DCTN2: variants seen among roughly 807,000 people sequenced by gnomAD.
The protein encoded by DCTN2 is 50 kDa dynein-associated polypeptide.
DCTN2 carries 18 observed loss-of-function variants against 55.4 expected under a neutral mutation model. The observed-to-expected ratio is 0.32, with a 90% CI of 0.22 to 0.48. The LOEUF is 0.48. DCTN2 is among the 20% of genes least tolerant of loss of function. The pLI is 0.99. For missense variants in DCTN2, 390 were observed against 491.0 expected (o/e 0.79, Z 1.94); for synonymous variants, 168 against 185.2 (o/e 0.91, Z 0.76).
At chr12:57,534,699 G>A (rs560282095) in intron 5 of DCTN2, among the ~76,000 whole-genome samples, 2 of 152,142 alleles carry the variant, frequency 1.3e-5, no homozygotes, top group South Asian at 2.1e-4. Flanking sequence ...ATGGAGTCTC[G>A]CTCTGTCACC....
In DCTN2 at chr12:57,547,088, AC is replaced by A; in HGVS notation, c.-26del. 1 of 1,242,678 alleles carries A rather than the reference AC, an allele frequency of 8.0e-7. No individual in the cohort carries two copies. Among genetic ancestry groups the A allele is most frequent in the Non-Finnish European group, 1.0e-6 (1 of 989,304 alleles). The allele number at this position is 1,242,678 out of a possible 1,614,324, so 77.0% of individuals were successfully genotyped here. A position where few individuals can be genotyped will look rare whatever the true frequency, so the allele number is the denominator to read the frequency against. ...TGGCGGCGGCGAGACGGGCTGGGGGACCCGGGCCTCGGTGGAGCCGGGGCCG... is the reference window on the plus strand; with the variant it reads ...TGGCGGCGGCGAGACGGGCTGGGGGACCGGGCCTCGGTGGAGCCGGGGCCG... On this transcript the variant is annotated 5_prime_UTR_variant, in exon 1 of 14. Transcript: ENST00000548249.
At chr12:57,534,151 C>T in intron 6 of DCTN2, 54 bp from the exon 7 acceptor site, 1 of 1,534,050 alleles carries the variant, frequency 6.5e-7, no homozygotes, top group Non-Finnish European at 8.8e-7. Context: ...GGGCCAGTCA[C>T]TCTCCCTCAC....
intron 2 of DCTN2, chr12:57,543,750 A>G (rs1880903519): frequency 3.1e-6 from 4 of 1,271,526 alleles, no homozygotes; most frequent in Non-Finnish European, 4.1e-6. Context: ...GCCTTAGGTG[A>G]CAGAAACAAT....
At chr12:57,540,142 T>C (rs574785759) in intron 2 of DCTN2, 6 of 983,462 alleles carry the variant, frequency 6.1e-6, no homozygotes, top group East Asian at 1.1e-4. Flanking sequence ...AGAGTGGGTG[T>C]AAGCACCCAT....
At chr12:57,546,925 A>C in intron 1 of DCTN2, 103 bp downstream of exon 1, 2 of 965,788 alleles carry the variant, frequency 2.1e-6, no homozygotes, top group Non-Finnish European at 2.7e-6. Context: ...CCTTGGGCGG[A>C]GGATGGGCTG....
At chr12:57,546,902 G>T in intron 1 of DCTN2, 126 bp downstream of exon 1, 8 of 812,846 alleles carry the variant, frequency 9.8e-6, no homozygotes, top group Non-Finnish European at 1.3e-5. Flanking sequence ...ATCGGAGAAC[G>T]AGCGGCGGGA....
chr12:57,536,938 A>T (rs1188281155), intron 2 of DCTN2, among the ~76,000 whole-genome samples: 2 of 151,292 alleles, frequency 1.3e-5, no homozygotes, highest in African/African-American at 2.4e-5. Context: ...TCCTTCTTTC[A>T]CCTAGAACAA....
intron 1 of DCTN2, 96 bp downstream of exon 1, chr12:57,546,932 G>A: frequency 2.9e-6 from 3 of 1,027,492 alleles, no homozygotes; most frequent in South Asian, 4.7e-5. Context: ...CGGAGGATGG[G>A]CTGCAGGCGG....
intron 7 of DCTN2, 32 bp from the exon 8 acceptor site, chr12:57,533,335 C>T: frequency 6.3e-7 from 1 of 1,597,872 alleles, no homozygotes; most frequent in South Asian, 1.1e-5. Flanking sequence ...GATTTGCCAT[C>T]TGCTTCCCTG....
At chr12:57,544,795 G>A (rs1165923380) in intron 2 of DCTN2, among the ~76,000 whole-genome samples, 1 of 152,118 alleles carries the variant, frequency 6.6e-6, no homozygotes, top group Non-Finnish European at 1.5e-5. Flanking sequence ...CCTATTCTGT[G>A]AGGACAGAGG....
chr12:57,535,595 G>A (rs1173357070), intron 3 of DCTN2, 50 bp from the exon 4 acceptor site: 1 of 1,601,494 alleles, frequency 6.2e-7, no homozygotes, highest in Non-Finnish European at 8.6e-7. Context: ...GCCCAAGGCA[G>A]TCATGGTCTC....
chr12:57,530,625 T>C lies in DCTN2; in HGVS notation c.*64A>G. 1.4e-6 allele frequency: 2 copies of C among 1,379,794 alleles called. No individual in the cohort carries two copies. Among genetic ancestry groups the C allele is most frequent in the Non-Finnish European group, 2.0e-6 (2 of 978,030 alleles). 85.5% of individuals were successfully genotyped at this position (1,379,794 alleles called of 1,614,324 possible). Reference sequence around the variant, plus strand: ...GAGTTATAGTAAAGGGGAAACCCTATGTAAGCTGTTAACAGAGTTCACAGG... The same window carrying C: ...GAGTTATAGTAAAGGGGAAACCCTACGTAAGCTGTTAACAGAGTTCACAGG... On this transcript the variant is annotated 3_prime_UTR_variant, in exon 14 of 14. Transcript: ENST00000548249.
intron 2 of DCTN2, among the ~76,000 whole-genome samples, chr12:57,545,382 T>G (rs1005939065): frequency 1.3e-5 from 2 of 152,262 alleles, no homozygotes; most frequent in East Asian, 3.9e-4. Context: ...TTTCTTCCTC[T>G]GCATTGCACA....
At chr12:57,531,182 G>A (rs564096113) in intron 13 of DCTN2, among the ~76,000 whole-genome samples, 1 of 152,090 alleles carries the variant, frequency 6.6e-6, no homozygotes, top group South Asian at 2.1e-4. Flanking sequence ...CTGGTCTCTC[G>A]ACTTTAATGC....
chr12:57,532,337 C>T, intron 11 of DCTN2, 22 bp from the exon 12 acceptor site: 2 of 1,552,062 alleles, frequency 1.3e-6, no homozygotes, highest in South Asian at 1.2e-5. Context: ...CAATGGGGCC[C>T]AGAGGGGATG....
chr12:57,535,130 C>G lies in DCTN2; in HGVS notation c.289G>C (p.Glu97Gln). Reference sequence around the variant, plus strand: ...CGCTGGTACTTTTGCTGGGGTGTCTCCTTCACTCCCAGACCCTCTCCAAGC... The same window carrying G: ...CGCTGGTACTTTTGCTGGGGTGTCTGCTTCACTCCCAGACCCTCTCCAAGC... Reference protein sequence around the residue: ...EMLGEGLGVKETPQQKYQRLL... With the variant: ...EMLGEGLGVKQTPQQKYQRLL... Residue 97 changes from glutamate (E) to glutamine (Q), a missense_variant, in exon 5 of 14, where the codon GAG (glutamate) becomes CAG (glutamine). This residue lies in a region of DCTN2 where 117 missense variants were observed against 187.8 expected (regional missense o/e 0.62). Coordinates refer to ENST00000548249, the MANE Select transcript of DCTN2 (RefSeq NM_001261413.2). 1 of 1,613,744 alleles carries G rather than the reference C, an allele frequency of 6.2e-7. No individual in the cohort carries two copies. Among genetic ancestry groups the G allele is most frequent in the Non-Finnish European group, 8.5e-7 (1 of 1,179,808 alleles).
chr12:57,546,096 C>T lies in DCTN2; in HGVS notation c.37G>A (p.Ala13Thr). The T allele has an allele frequency of 1.2e-6, 2 of 1,613,922 alleles. No individual in the cohort carries two copies. The highest frequency in any genetic ancestry group is 1.7e-6 in the Non-Finnish European group (2 of 1,179,846). ...DPKYADLPGI[A>T]RNEPDVYETS... Reference sequence around the variant, plus strand: ...TCATAAACATCTGGCTCATTCCTGGCCTGCAGGTAGAAGCAGTGACCACCC... The same window carrying T: ...TCATAAACATCTGGCTCATTCCTGGTCTGCAGGTAGAAGCAGTGACCACCC... Residue 13 changes from alanine (A) to threonine (T), a missense_variant and splice_region_variant, in exon 2 of 14, where the codon GCC (alanine) becomes ACC (threonine). Transcript: ENST00000548249.
intron 10 of DCTN2, 45 bp from the exon 11 acceptor site, chr12:57,532,688 A>G (rs1209696281): frequency 6.2e-7 from 1 of 1,613,776 alleles, no homozygotes; most frequent in Admixed American, 1.7e-5. Flanking sequence ...CAGGGCTTCC[A>G]GAGTCCCAAG....
In DCTN2 at chr12:57,532,277, G is replaced by C. The variant is rs1384686729; in HGVS notation, c.963C>G (p.Pro321=). ...CCAGCTCAGGGAGGGTGGAGGCAAT[G>C]GGGCTCCAGCGCTGTATAGTTTCAT... ...QLYETIQRWS[P]IASTLPELVQ... Residue 321 remains proline (P), a synonymous_variant, in exon 12 of 14, where the codon CCC becomes CCG. Coordinates refer to ENST00000548249, the MANE Select transcript of DCTN2 (RefSeq NM_001261413.2). 6.4e-7 allele frequency: 1 copy of C among 1,563,434 alleles called. No homozygotes were observed. The highest frequency in any genetic ancestry group is 1.4e-5 in the African/African-American group (1 of 73,498).
Sources: allele counts gnomAD v4.1 joint callset (sites outside exome capture counted in the v4.1 genomes callset), GRCh38; gene constraint gnomAD v4.1.1; regional missense constraint gnomAD v4.1.1; transcripts MANE v1.5; gene names NCBI Gene and HGNC (gene_info 2026-07-23, HGNC 2026-07-21).